Variants in VPS13A observed in about 807,000 individuals in gnomAD.
VPS13A encodes the protein vacuolar protein sorting 13 homolog A.
Under a neutral mutation model 390.9 loss-of-function variants are expected in VPS13A, and 264 were observed. The observed-to-expected ratio is 0.68, with a 90% CI of 0.61 to 0.75. The LOEUF (loss-of-function observed/expected upper bound fraction) is 0.75. Ranked by LOEUF, VPS13A falls within the 30% of genes least tolerant of loss-of-function variation. The probability of loss-of-function intolerance (pLI) is 0.00; values close to 1 mark genes in which losing one functional copy is unlikely to be tolerated. For missense variants in VPS13A, 3,409 were observed against 3,733.9 expected (o/e 0.91, Z 2.27); for synonymous variants, 1,231 against 1,227.1 (o/e 1.00, Z -0.07).
intron 3 of VPS13A, among the ~76,000 whole-genome samples, chr9:77,204,114 A>G (rs11145331): frequency 0.13 from 19,212 of 152,184 alleles, 1,313 homozygotes; most frequent in African/African-American, 0.18. Context: ...GAAGTTTTCT[A>G]CACATGGAGT....
At chr9:77,207,216 TATATATA>T (rs1825690959) in intron 5 of VPS13A, among the ~76,000 whole-genome samples, 10 of 44,056 alleles carry the variant, frequency 2.3e-4, no homozygotes, top group African/African-American at 9.8e-4. Context: ...TTAGATATTA[TATATATA>T]TATATATATA....
At chr9:77,202,595 A>G (rs1448742896) in intron 3 of VPS13A, among the ~76,000 whole-genome samples, 1 of 152,118 alleles carries the variant, frequency 6.6e-6, no homozygotes, top group African/African-American at 2.4e-5. Context: ...TATAACTTTT[A>G]AACTTTTACC....
intron 68 of VPS13A, chr9:77,382,695 CTTTGAAA>C: frequency 1.0e-6 from 1 of 989,612 alleles, no homozygotes. Context: ...TGTGCTTTGC[CTTTGAAA>C]ATGCTTAAAT....
At chr9:77,326,011 A>G (rs1004156274) in intron 45 of VPS13A, among the ~76,000 whole-genome samples, 5 of 152,140 alleles carry the variant, frequency 3.3e-5, no homozygotes, top group African/African-American at 1.2e-4. Flanking sequence ...TGTATTACAG[A>G]TATTTTCACT....
intron 4 of VPS13A, among the ~76,000 whole-genome samples, chr9:77,205,618 G>C (rs1282057698): frequency 6.6e-6 from 1 of 151,534 alleles, no homozygotes; most frequent in Non-Finnish European, 1.5e-5. Flanking sequence ...TTAAGATGGA[G>C]TCTCGCACTG....
intron 17 of VPS13A, among the ~76,000 whole-genome samples, chr9:77,236,461 CT>C (rs1158053429): frequency 1.3e-5 from 2 of 152,166 alleles, no homozygotes; most frequent in Non-Finnish European, 1.5e-5. Flanking sequence ...GATGTCCCCC[CT>C]CTCCATGGTT....
intron 71 of VPS13A, among the ~76,000 whole-genome samples, chr9:77,411,158 G>A (rs994725105): frequency 6.6e-6 from 1 of 152,050 alleles, no homozygotes; most frequent in Non-Finnish European, 1.5e-5. Context: ...TCAACTACAT[G>A]GAAACTGAAC....
Position 77,177,540 on chromosome 9 carries a change from G to C in VPS13A, c.-165G>C. 2 of 651,716 alleles carry C rather than the reference G, an allele frequency of 3.1e-6. No individual in the cohort carries two copies. The highest frequency in any genetic ancestry group is 3.4e-5 in the South Asian group (2 of 59,656). The allele number at this position is 651,716 out of a possible 1,614,324, so 40.4% of individuals were successfully genotyped here. On this transcript the variant is annotated 5_prime_UTR_variant, in exon 1 of 72. Coordinates refer to ENST00000360280, the MANE Select transcript of VPS13A (RefSeq NM_033305.3). ...ACGCGTCGTGAGAGCGACCGCCTCCGTCTCTCGCTGGGCTCGCTAGGGCTG... is the reference window on the plus strand; with the variant it reads ...ACGCGTCGTGAGAGCGACCGCCTCCCTCTCTCGCTGGGCTCGCTAGGGCTG...
intron 68 of VPS13A, among the ~76,000 whole-genome samples, chr9:77,390,828 GC>G (rs1442639578): frequency 6.6e-6 from 1 of 151,856 alleles, no homozygotes; most frequent in African/African-American, 2.4e-5. Flanking sequence ...ATAGACATGA[GC>G]CACTGCGTCT....
chr9:77,220,506 A>T (rs1279975574), intron 12 of VPS13A, 123 bp downstream of exon 12: 1 of 695,920 alleles, frequency 1.4e-6, no homozygotes, highest in East Asian at 2.8e-5. Context: ...ACCATAATTG[A>T]TTTATAGCTA....
intron 67 of VPS13A, among the ~76,000 whole-genome samples, chr9:77,373,168 G>GCATCGCCA (rs1284911400): frequency 5.2e-4 from 79 of 151,116 alleles, no homozygotes; most frequent in African/African-American, 1.7e-3. Flanking sequence ...AAAAGAGCCC[G>GCATCGCCA]CATCGCCAAG....
intron 23 of VPS13A, among the ~76,000 whole-genome samples, chr9:77,265,227 C>T (rs530123396): frequency 6.6e-6 from 1 of 152,186 alleles, no homozygotes; most frequent in South Asian, 2.1e-4. Flanking sequence ...TTCACATTGA[C>T]GTTCATCAGG....
chr9:77,226,395 C>T lies in VPS13A; in HGVS notation c.1225-71C>T. ...TCAAGAGGATAAGTTCTCAGAATGT[C>T]TTGCTTATATTTGTTTCAGTTGCTA... On this transcript the variant is annotated intron_variant, in intron 14 of 71. Transcript: ENST00000360280. The T allele has an allele frequency of 3.6e-6, 5 of 1,402,354 alleles. No homozygotes were observed. The Admixed American group carries it at 5.1e-5, about 14-fold the overall frequency. The allele number at this position is 1,402,354 out of a possible 1,614,324, so 86.9% of individuals were successfully genotyped here.
chr9:77,287,693 T>G (rs1274226763), intron 31 of VPS13A, among the ~76,000 whole-genome samples: 1 of 152,142 alleles, frequency 6.6e-6, no homozygotes, highest in Non-Finnish European at 1.5e-5. Flanking sequence ...GTAGAAACAT[T>G]TGACAGAAAT....
At chr9:77,324,109 T>G (rs983179479) in intron 45 of VPS13A, among the ~76,000 whole-genome samples, 11 of 152,324 alleles carry the variant, frequency 7.2e-5, no homozygotes, top group African/African-American at 2.6e-4. Context: ...TTTTAAATTC[T>G]GATTACTCAT....
intron 23 of VPS13A, among the ~76,000 whole-genome samples, chr9:77,268,969 G>C (rs1826200554): frequency 6.6e-6 from 1 of 151,482 alleles, no homozygotes; most frequent in African/African-American, 2.4e-5. Flanking sequence ...GTGAGTTAAT[G>C]TCCCATTACT....
At chr9:77,382,117 A>G (rs1429839869) in intron 68 of VPS13A, 30 bp downstream of exon 68, 1 of 1,547,010 alleles carries the variant, frequency 6.5e-7, no homozygotes, top group Non-Finnish European at 8.9e-7. Context: ...ATAAATTAAG[A>G]TTAATTTAGT....
intron 45 of VPS13A, among the ~76,000 whole-genome samples, chr9:77,331,021 G>A (rs12343395): frequency 0.1 from 15,517 of 151,958 alleles, 822 homozygotes; most frequent in Middle Eastern, 0.13. Context: ...TCAGATATTC[G>A]AAGTGTAACC....
At chr9:77,344,654 G>A (rs1407898920) in intron 51 of VPS13A, among the ~76,000 whole-genome samples, 1 of 152,034 alleles carries the variant, frequency 6.6e-6, no homozygotes, top group Non-Finnish European at 1.5e-5. Flanking sequence ...AGCTACTCGG[G>A]AGGCTGAGGC....
Sources: gnomAD v4.1 joint callset for allele counts (sites outside exome capture counted in the v4.1 genomes callset) on GRCh38, gnomAD v4.1.1 for gene constraint, MANE v1.5 for transcripts, NCBI Gene and HGNC (gene_info 2026-07-23, HGNC 2026-07-21) for gene names.